Variants in PRR16 observed in about 807,000 individuals in gnomAD.
PRR16 encodes protein Largen.
In PRR16, 6 loss-of-function variants were observed where a neutral mutation model predicts 18.2. The observed-to-expected ratio is 0.33, with a 90% CI of 0.18 to 0.65. The LOEUF (loss-of-function observed/expected upper bound fraction) is 0.65, where lower values mean the gene tolerates loss of function less well. PRR16 is among the 30% of genes least tolerant of loss of function. The probability of loss-of-function intolerance (pLI) is 0.74; values close to 1 mark genes in which losing one functional copy is unlikely to be tolerated. For synonymous variants in PRR16, 151 were observed against 147.8 expected (o/e 1.02, Z -0.16); for missense variants, 412 against 376.6 (o/e 1.09, Z -0.78).
At chr5:120,498,442 C>A (rs537876947) in intron 1 of PRR16, among the ~76,000 whole-genome samples, 135 of 151,024 alleles carry the variant, frequency 8.9e-4, no homozygotes, top group Middle Eastern at 6.9e-3. Context: ...CTTAAAACTC[C>A]TTTTACTTCC....
At chr5:120,612,299 C>G (rs1289378744) in intron 1 of PRR16, among the ~76,000 whole-genome samples, 5 of 152,056 alleles carry the variant, frequency 3.3e-5, no homozygotes, top group Non-Finnish European at 5.9e-5. Context: ...TGAGTTAAGA[C>G]TTTGGTGGAC....
the PRR16 span, among the ~76,000 whole-genome samples, chr5:120,718,519 TG>T: frequency 2.0e-5 from 3 of 152,138 alleles, no homozygotes; most frequent in Admixed American, 1.3e-4. Flanking sequence ...TTCTTGTGTG[TG>T]TTTTTTAAGG....
At chr5:120,750,641 T>A in the PRR16 span, among the ~76,000 whole-genome samples, 1 of 151,820 alleles carries the variant, frequency 6.6e-6, no homozygotes. Context: ...CACTCCACCC[T>A]GAGTGACAGA....
At chr5:120,659,898 A>G (rs1756117370) in intron 1 of PRR16, among the ~76,000 whole-genome samples, 3 of 152,038 alleles carry the variant, frequency 2.0e-5, no homozygotes, top group Admixed American at 2.0e-4. Context: ...ACACCTTCAC[A>G]TTTTGGCTAC....
intron 1 of PRR16, among the ~76,000 whole-genome samples, chr5:120,621,118 G>A (rs1447290724): frequency 6.6e-6 from 1 of 152,012 alleles, no homozygotes; most frequent in Non-Finnish European, 1.5e-5. Flanking sequence ...TTCACTACTT[G>A]CAACTTTTCA....
At chr5:120,756,443 C>T in the PRR16 span, among the ~76,000 whole-genome samples, 6 of 152,184 alleles carry the variant, frequency 3.9e-5, no homozygotes, top group East Asian at 1.9e-4. Context: ...CTTTTCTCTG[C>T]GGCCTCACCA....
At chr5:120,728,842 C>G in the PRR16 span, among the ~76,000 whole-genome samples, 4 of 152,220 alleles carry the variant, frequency 2.6e-5, no homozygotes, top group African/African-American at 9.6e-5. Context: ...AAGCCTGCAT[C>G]TATTATTTGA....
intron 1 of PRR16, among the ~76,000 whole-genome samples, chr5:120,549,765 G>GA (rs1752194453): frequency 6.6e-6 from 1 of 151,884 alleles, no homozygotes; most frequent in African/African-American, 2.4e-5. Flanking sequence ...TGATTAATTT[G>GA]AAAATTAATT....
At chr5:120,490,447 C>G (rs142699034) in intron 1 of PRR16, among the ~76,000 whole-genome samples, 13 of 152,210 alleles carry the variant, frequency 8.5e-5, no homozygotes, top group Non-Finnish European at 1.6e-4. Context: ...ATCGAATCAG[C>G]TACTGAGGCT....
rs1750185400 is a variant in PRR16, at chr5:120,494,743, T to C, written c.159+30098T>C. Reference sequence around the variant, plus strand: ...TTATATTTTACATTTAATTCTGTAATCTATTTTGAGTTAATTTTTGTATAC... The same window carrying C: ...TTATATTTTACATTTAATTCTGTAACCTATTTTGAGTTAATTTTTGTATAC... On this transcript the variant is annotated intron_variant, in intron 1 of 1. Coordinates refer to ENST00000407149, the MANE Select transcript of PRR16 (RefSeq NM_001300783.2). 2.6e-5 allele frequency among the ~76,000 whole-genome samples: 4 copies of C among 152,238 alleles called. No homozygotes were observed. The South Asian group carries it at 8.3e-4, about 32-fold the overall frequency.
the PRR16 span, among the ~76,000 whole-genome samples, chr5:120,785,537 A>T: frequency 6.7e-6 from 1 of 150,192 alleles, no homozygotes; most frequent in East Asian, 1.9e-4. Flanking sequence ...GTACACATAG[A>T]AGTCTCTGTG....
the PRR16 span, among the ~76,000 whole-genome samples, chr5:120,723,738 C>T: frequency 2.6e-5 from 4 of 151,822 alleles, no homozygotes; most frequent in Admixed American, 1.3e-4. Context: ...CATTCCAGGC[C>T]ATGTACTTCT....
chr5:120,767,200 C>G, the PRR16 span, among the ~76,000 whole-genome samples: 1 of 151,886 alleles, frequency 6.6e-6, no homozygotes, highest in African/African-American at 2.4e-5. Context: ...TTAGGCTGCT[C>G]TCATCTTTAA....
chr5:120,523,960 G>A (rs1393281558), intron 1 of PRR16, among the ~76,000 whole-genome samples: 1 of 152,142 alleles, frequency 6.6e-6, no homozygotes, highest in African/African-American at 2.4e-5. Flanking sequence ...TAGATCACAA[G>A]GGTCAATGTG....
chr5:120,510,273 T>G (rs1389667610), intron 1 of PRR16, among the ~76,000 whole-genome samples: 1 of 152,196 alleles, frequency 6.6e-6, no homozygotes, highest in Non-Finnish European at 1.5e-5. Flanking sequence ...GAACACTTTG[T>G]GTTCTCAGAA....
chr5:120,634,883 AAAG>A (rs1755177262), intron 1 of PRR16, among the ~76,000 whole-genome samples: 1 of 152,178 alleles, frequency 6.6e-6, no homozygotes, highest in Non-Finnish European at 1.5e-5. Context: ...TTCACCAAGA[AAAG>A]AAGAGAGAAG....
chr5:120,738,900 A>C, the PRR16 span, among the ~76,000 whole-genome samples: 1 of 152,308 alleles, frequency 6.6e-6, no homozygotes, highest in East Asian at 1.9e-4. Flanking sequence ...GCTGGATCAA[A>C]TACTAATTTT....
chr5:120,583,074 G>T (rs1452994639), intron 1 of PRR16, among the ~76,000 whole-genome samples: 1 of 152,120 alleles, frequency 6.6e-6, no homozygotes, highest in Non-Finnish European at 1.5e-5. Flanking sequence ...ATATTGCCTG[G>T]GCTACCTTAC....
At chr5:120,608,198 T>G (rs1014695031) in intron 1 of PRR16, among the ~76,000 whole-genome samples, 1 of 152,226 alleles carries the variant, frequency 6.6e-6, no homozygotes, top group African/African-American at 2.4e-5. Context: ...CAGAGGTTTC[T>G]GATAGCACAA....
Sources: gnomAD v4.1 joint callset for allele counts (sites outside exome capture counted in the v4.1 genomes callset) on GRCh38, gnomAD v4.1.1 for gene constraint, MANE v1.5 for transcripts, NCBI Gene and HGNC (gene_info 2026-07-23, HGNC 2026-07-21) for gene names.